The following ARHGAP42 variants were observed in gnomAD, a reference collection of about 807,000 sequenced individuals.
ARHGAP42 encodes Rho GTPase activating protein 42, also known as rho GTPase-activating protein 42.
A neutral mutation model predicts 125.0 loss-of-function variants in ARHGAP42; 63 were observed. The observed-to-expected ratio is 0.50, with a 90% CI of 0.41 to 0.62. The LOEUF (loss-of-function observed/expected upper bound fraction) is 0.62, where lower values mean the gene tolerates loss of function less well. Ranked by LOEUF, ARHGAP42 falls within the 20% of genes least tolerant of loss-of-function variation. The probability of loss-of-function intolerance (pLI) is 0.00; values close to 1 mark genes in which losing one functional copy is unlikely to be tolerated. For synonymous variants in ARHGAP42, 339 were observed against 351.0 expected (o/e 0.97, Z 0.38); for missense variants, 766 against 1,024.2 (o/e 0.75, Z 3.44).
intron 4 of ARHGAP42, among the ~76,000 whole-genome samples, chr11:100,868,427 T>C (rs975040048): frequency 6.6e-6 from 1 of 152,206 alleles, no homozygotes; most frequent in Non-Finnish European, 1.5e-5. Context: ...AGCACTTTAC[T>C]TGTAAACTTA....
intron 4 of ARHGAP42, among the ~76,000 whole-genome samples, chr11:100,903,306 G>T (rs1228689038): frequency 6.6e-6 from 1 of 151,950 alleles, no homozygotes; most frequent in Non-Finnish European, 1.5e-5. Context: ...GTTATTTTTA[G>T]TCAGATCCAG....
chr11:100,717,053 G>T (rs1290866263), intron 1 of ARHGAP42, among the ~76,000 whole-genome samples: 1 of 152,128 alleles, frequency 6.6e-6, no homozygotes, highest in Non-Finnish European at 1.5e-5. Flanking sequence ...ATCTGAGGAT[G>T]GCTCTGGTTA....
chr11:100,787,277 C>CAA (rs547501810), intron 2 of ARHGAP42, among the ~76,000 whole-genome samples: 9 of 130,940 alleles, frequency 6.9e-5, no homozygotes, highest in Non-Finnish European at 1.3e-4. Context: ...GACTCCGTCT[C>CAA]AAAAAAAAAA....
chr11:100,988,211 G>T (rs889115459), intron 23 of ARHGAP42, among the ~76,000 whole-genome samples: 9 of 150,018 alleles, frequency 6.0e-5, no homozygotes, highest in Admixed American at 4.6e-4. Context: ...TTGTACATGT[G>T]TGTGAGACAG....
intron 1 of ARHGAP42, among the ~76,000 whole-genome samples, chr11:100,745,183 G>A (rs1862273943): frequency 6.6e-6 from 1 of 152,218 alleles, no homozygotes; most frequent in Admixed American, 6.5e-5. Flanking sequence ...AGGAAGTTAA[G>A]TTTAAAAGTA....
At chr11:100,717,351 A>G (rs891257410) in intron 1 of ARHGAP42, among the ~76,000 whole-genome samples, 6 of 152,126 alleles carry the variant, frequency 3.9e-5, no homozygotes, top group Non-Finnish European at 8.8e-5. Flanking sequence ...AAGATACCAT[A>G]TATAGGCCGG....
intron 5 of ARHGAP42, among the ~76,000 whole-genome samples, chr11:100,914,132 A>G (rs1237176489): frequency 2.6e-5 from 4 of 151,996 alleles, no homozygotes; most frequent in Non-Finnish European, 5.9e-5. Context: ...ACGGGGTTTC[A>G]CCATGTTAGT....
chr11:100,863,320 G>A (rs1425954886), intron 4 of ARHGAP42, among the ~76,000 whole-genome samples: 1 of 152,214 alleles, frequency 6.6e-6, no homozygotes. Context: ...CCAGCTGGAA[G>A]GGAGGGCCGT....
chr11:100,902,408 T>G (rs574734205), intron 4 of ARHGAP42, among the ~76,000 whole-genome samples: 8 of 152,294 alleles, frequency 5.3e-5, no homozygotes, highest in African/African-American at 2.4e-5. Flanking sequence ...AAATCCTTAT[T>G]GATAGGAAAA....
intron 1 of ARHGAP42, among the ~76,000 whole-genome samples, chr11:100,744,099 T>C (rs1240201795): frequency 6.6e-6 from 1 of 152,120 alleles, no homozygotes; most frequent in Admixed American, 6.6e-5. Flanking sequence ...GCCTCCCAAG[T>C]AGCTGGGACT....
chr11:100,902,890 C>T (rs1866590213), intron 4 of ARHGAP42, among the ~76,000 whole-genome samples: 1 of 152,054 alleles, frequency 6.6e-6, no homozygotes, highest in South Asian at 2.1e-4. Context: ...GAATTTTGAT[C>T]AATTATGGGA....
At chr11:100,871,834 A>G (rs2135160033) in intron 4 of ARHGAP42, among the ~76,000 whole-genome samples, 1 of 152,130 alleles carries the variant, frequency 6.6e-6, no homozygotes, top group Middle Eastern at 3.4e-3. Flanking sequence ...ACCTCTGCCT[A>G]CCAGGTTCAA....
intron 12 of ARHGAP42, among the ~76,000 whole-genome samples, chr11:100,958,924 A>C (rs1345566563): frequency 1.1e-5 from 1 of 93,844 alleles, no homozygotes; most frequent in Non-Finnish European, 2.4e-5. Flanking sequence ...CTTGATTTTT[A>C]TCATAATTTT....
intron 1 of ARHGAP42, among the ~76,000 whole-genome samples, chr11:100,745,064 A>G (rs961497268): frequency 2.0e-5 from 3 of 152,190 alleles, no homozygotes; most frequent in Non-Finnish European, 4.4e-5. Context: ...ATAAATGGTT[A>G]TGGCAGAGCA....
At chr11:100,808,929 A>G (rs1864071631) in intron 3 of ARHGAP42, among the ~76,000 whole-genome samples, 1 of 152,172 alleles carries the variant, frequency 6.6e-6, no homozygotes, top group Non-Finnish European at 1.5e-5. Flanking sequence ...TCAAGATGCT[A>G]TGTTACTTCA....
intron 1 of ARHGAP42, among the ~76,000 whole-genome samples, chr11:100,739,327 C>CA: frequency 6.6e-6 from 1 of 151,636 alleles, no homozygotes; most frequent in East Asian, 1.9e-4. Flanking sequence ...GGTTCTTAAA[C>CA]AATCTTGTTT....
chr11:100,751,279 G>GTTTTTTTT (rs71465331), intron 1 of ARHGAP42, among the ~76,000 whole-genome samples: 2 of 93,480 alleles, frequency 2.1e-5, no homozygotes, highest in African/African-American at 9.9e-5. Flanking sequence ...GTGTGTGTGT[G>GTTTTTTTT]TTTTTTTTTT....
chr11:100,816,084 C>T (rs1011693981), intron 3 of ARHGAP42, among the ~76,000 whole-genome samples: 1 of 152,152 alleles, frequency 6.6e-6, no homozygotes, highest in Non-Finnish European at 1.5e-5. Context: ...CACCTTTTAA[C>T]TATTGTGAAT....
chr11:100,764,830 C>T (rs1021032158), intron 1 of ARHGAP42, among the ~76,000 whole-genome samples: 7 of 152,144 alleles, frequency 4.6e-5, no homozygotes, highest in South Asian at 2.1e-4. Context: ...AGTTTCCTAC[C>T]GTTAATATAC....
Sources: allele counts gnomAD v4.1 joint callset (sites outside exome capture counted in the v4.1 genomes callset), GRCh38; gene constraint gnomAD v4.1.1; transcripts MANE v1.5; gene names NCBI Gene and HGNC (gene_info 2026-07-23, HGNC 2026-07-21).